TRMT11: variants seen among roughly 807,000 people sequenced by gnomAD.
TRMT11 encodes tRNA methyltransferase 11.
A neutral mutation model predicts 62.8 loss-of-function variants in TRMT11; 53 were observed. That is an observed-to-expected ratio of 0.84 (90% CI 0.68 to 1.06). The LOEUF (loss-of-function observed/expected upper bound fraction) is 1.06, where lower values mean the gene tolerates loss of function less well. Ranked by LOEUF, TRMT11 falls within the 50% of genes least tolerant of loss-of-function variation. The pLI, the probability that TRMT11 is intolerant of heterozygous loss-of-function variation, is 0.00. For missense variants in TRMT11, 556 were observed against 553.4 expected, an observed-to-expected ratio of 1.00 and a Z score of -0.05; for synonymous variants, 188 against 190.3, an observed-to-expected ratio of 0.99 and a Z score of 0.10.
chr6:126,074,139 T>C (rs1158164984), intron 17 of TRMT11, among the ~76,000 whole-genome samples: 1 of 152,182 alleles, frequency 6.6e-6, no homozygotes, highest in African/African-American at 2.4e-5. Context: ...CAGGAGATTC[T>C]TTTGGATATT....
chr6:126,238,231 G>A, the TRMT11 span, among the ~76,000 whole-genome samples: 8 of 152,134 alleles, frequency 5.3e-5, no homozygotes, highest in Admixed American at 3.9e-4. Context: ...GCTAATCTTA[G>A]TTATTTCTTG....
the TRMT11 span, among the ~76,000 whole-genome samples, chr6:126,234,615 C>G: frequency 2.0e-5 from 3 of 152,010 alleles, no homozygotes; most frequent in African/African-American, 7.2e-5. Context: ...AATCTGTACA[C>G]TGTTGTTTTT....
intron 17 of TRMT11, among the ~76,000 whole-genome samples, chr6:126,061,323 G>T (rs917194694): frequency 6.6e-6 from 1 of 152,152 alleles, no homozygotes; most frequent in Non-Finnish European, 1.5e-5. Context: ...ACATGCTACA[G>T]CTATTGTCTG....
At chr6:126,072,051 A>G (rs928917845) in intron 17 of TRMT11, among the ~76,000 whole-genome samples, 1 of 152,170 alleles carries the variant, frequency 6.6e-6, no homozygotes, top group South Asian at 2.1e-4. Flanking sequence ...TGAGCACTTC[A>G]TGGCTCTGTC....
intron 17 of TRMT11, among the ~76,000 whole-genome samples, chr6:126,077,015 A>G (rs1777043062): frequency 6.6e-6 from 1 of 152,222 alleles, no homozygotes; most frequent in South Asian, 2.1e-4. Context: ...TGGCCATGGC[A>G]GCATAAAGAC....
chr6:126,258,255 CG>C, the TRMT11 span: 1 of 576,182 alleles, frequency 1.7e-6, no homozygotes, highest in Non-Finnish European at 3.4e-6. Context: ...CCTCCTCCTG[CG>C]GCCCTGGGGG....
the TRMT11 span, among the ~76,000 whole-genome samples, chr6:126,230,435 C>T: frequency 3.9e-5 from 6 of 152,140 alleles, no homozygotes; most frequent in East Asian, 1.9e-4. Flanking sequence ...ATCTGCCATA[C>T]GGGATCATTC....
chr6:126,235,091 CAT>C, the TRMT11 span, among the ~76,000 whole-genome samples: 2 of 152,188 alleles, frequency 1.3e-5, no homozygotes, highest in East Asian at 1.9e-4. Flanking sequence ...AGCCAACAAA[CAT>C]ATGAAAAAAT....
chr6:126,217,851 A>G, the TRMT11 span, among the ~76,000 whole-genome samples: 3 of 152,136 alleles, frequency 2.0e-5, no homozygotes, highest in Non-Finnish European at 2.9e-5. Flanking sequence ...ATTTTCCCTC[A>G]ACTGCAGGTG....
At chr6:126,191,408 T>G (rs1158898384) in intron 1 of TRMT11, among the ~76,000 whole-genome samples, 2 of 151,892 alleles carry the variant, frequency 1.3e-5, no homozygotes, top group Admixed American at 1.3e-4. Context: ...CTCTTCATTA[T>G]GTTAGTTATT....
At chr6:126,057,487 G>A (rs1002848380) in intron 17 of TRMT11, among the ~76,000 whole-genome samples, 3 of 152,208 alleles carry the variant, frequency 2.0e-5, no homozygotes, top group Non-Finnish European at 4.4e-5. Context: ...GATTGGAATG[G>A]ATTAGTGGCT....
At chr6:126,007,425 G>A (rs1793525354) in intron 7 of TRMT11, among the ~76,000 whole-genome samples, 2 of 151,836 alleles carry the variant, frequency 1.3e-5, no homozygotes, top group Non-Finnish European at 2.9e-5. Context: ...TGCATATTTT[G>A]TAGTTGAAGA....
At chr6:126,208,131 G>T (rs1778806741), downstream of TRMT11, among the ~76,000 whole-genome samples, 1 of 152,192 alleles carries the variant, frequency 6.6e-6, no homozygotes, top group Non-Finnish European at 1.5e-5. Context: ...AAGGTATCAG[G>T]AGGAAGCAGC....
At chr6:126,222,152 C>T in the TRMT11 span, among the ~76,000 whole-genome samples, 1 of 152,096 alleles carries the variant, frequency 6.6e-6, no homozygotes, top group Non-Finnish European at 1.5e-5. Flanking sequence ...GTTCTCTAAC[C>T]TGTTCCATTA....
At chr6:125,996,765 G>A (rs1791585685) in intron 3 of TRMT11, among the ~76,000 whole-genome samples, 1 of 151,984 alleles carries the variant, frequency 6.6e-6, no homozygotes, top group African/African-American at 2.4e-5. Flanking sequence ...AATTATATTT[G>A]CTAATGCAAT....
chr6:126,201,260 A>C (rs898447515), intron 3 of TRMT11, among the ~76,000 whole-genome samples: 1 of 152,226 alleles, frequency 6.6e-6, no homozygotes, highest in Non-Finnish European at 1.5e-5. Flanking sequence ...TACATTTGAA[A>C]TTTGTTTCTG....
At chr6:125,994,694 A>G (rs975071253) in intron 2 of TRMT11, among the ~76,000 whole-genome samples, 1 of 152,222 alleles carries the variant, frequency 6.6e-6, no homozygotes, top group East Asian at 1.9e-4. Flanking sequence ...ATAGCAAAGC[A>G]TAGAATCAAC....
intron 21 of TRMT11, among the ~76,000 whole-genome samples, chr6:126,127,536 G>C (rs1777731611): frequency 6.6e-6 from 1 of 150,454 alleles, no homozygotes; most frequent in African/African-American, 2.5e-5. Flanking sequence ...TAAGTTTTAG[G>C]GTACATGTGC....
In TRMT11 at chr6:126,011,421, A is replaced by G; in HGVS notation, c.925+4A>G. The G allele has an allele frequency of 6.2e-7, 1 of 1,605,912 alleles. No homozygotes were observed. The highest frequency in any genetic ancestry group is 8.5e-7 in the Non-Finnish European group (1 of 1,176,804). ...TTTGATGCAATCATTACTGATCGTA[A>G]GTTTATTTTTATACAAAAGTAGGAG... On this transcript the variant is annotated splice_donor_region_variant and intron_variant, in intron 9 of 12. Transcript: ENST00000334379.
Sources: allele counts gnomAD v4.1 joint callset (sites outside exome capture counted in the v4.1 genomes callset), GRCh38; gene constraint gnomAD v4.1.1; transcripts MANE v1.5; gene names NCBI Gene and HGNC (gene_info 2026-07-23, HGNC 2026-07-21).